Variants in KIF9 observed in about 807,000 individuals in gnomAD.
The protein encoded by KIF9 is kinesin family member 9.
In KIF9, 68 loss-of-function variants were observed where a neutral mutation model predicts 94.8. The observed-to-expected ratio is 0.72, with a 90% confidence interval of 0.59 to 0.88. The LOEUF is 0.88. Ranked by LOEUF, KIF9 falls within the 40% of genes least tolerant of loss-of-function variation. The pLI is 0.00. For synonymous variants in KIF9, 343 were observed against 362.1 expected, an observed-to-expected ratio of 0.95 and a Z score of 0.60; for missense variants, 882 against 982.5, an observed-to-expected ratio of 0.90 and a Z score of 1.37.
At chr3:47,261,246 C>T (rs1264853724) in intron 9 of KIF9, among the ~76,000 whole-genome samples, 2 of 152,174 alleles carry the variant, frequency 1.3e-5, no homozygotes, top group Non-Finnish European at 2.9e-5. Context: ...AATGAGACCA[C>T]TAGGAAAGAT....
intron 20 of KIF9, 49 bp from the exon 21 acceptor site, chr3:47,228,751 A>G (rs1265731460): frequency 1.3e-6 from 2 of 1,497,830 alleles, no homozygotes; most frequent in Non-Finnish European, 1.9e-6. Flanking sequence ...AGGGACAGAC[A>G]TAGCAGGGAC....
chr3:47,235,955 G>T, intron 19 of KIF9, 79 bp downstream of exon 19: 1 of 1,089,960 alleles, frequency 9.2e-7, no homozygotes, highest in Non-Finnish European at 1.4e-6. Context: ...CCATCTTTGT[G>T]TTGAGAACAG....
chr3:47,261,467 G>A (rs1255895724), intron 9 of KIF9, among the ~76,000 whole-genome samples: 1 of 152,126 alleles, frequency 6.6e-6, no homozygotes, highest in East Asian at 1.9e-4. Flanking sequence ...GCTCCTCCTT[G>A]GCAGTGACGA....
chr3:47,277,518 T>C, intron 1 of KIF9, 139 bp from the exon 2 acceptor site: 1 of 619,946 alleles, frequency 1.6e-6, no homozygotes, highest in Non-Finnish European at 2.9e-6. Context: ...CAGTTTTCCT[T>C]TTCACCCCTC....
In KIF9 at chr3:47,245,434, G is replaced by A. The variant is rs1486421310; in HGVS notation, c.1367C>T (p.Ser456Phe). The A allele has an allele frequency of 6.2e-7, 1 of 1,613,774 alleles. No homozygotes were observed. ...LIDRNDFAAI[S>F]AIQKAGLVDV... The stretch of plus-strand genomic sequence containing the variant: ...AACTATGCTTACCTTCTGGATAGCA[G>A]AAATGGCTGCAAAGTCATTCCTGTC... Residue 456 changes from serine to phenylalanine, a missense_variant, in exon 14 of 21, where the codon TCT becomes TTT. Ser to Phe is a radical substitution (Grantham distance 155, BLOSUM62 -2). Transcript: ENST00000684063.
chr3:47,241,704 T>TAC (rs571611477), intron 16 of KIF9, among the ~76,000 whole-genome samples: 11 of 149,102 alleles, frequency 7.4e-5, no homozygotes, highest in Admixed American at 2.0e-4. Context: ...CATATATGCA[T>TAC]ACACACACAC....
At chr3:47,264,149 C>G (rs149770128) in intron 9 of KIF9, 137 bp downstream of exon 9, 14 of 701,298 alleles carry the variant, frequency 2.0e-5, no homozygotes, top group African/African-American at 5.2e-5. Flanking sequence ...AACTGTGGCT[C>G]AGACTCACCC....
In KIF9 at chr3:47,256,548, G is replaced by A. The variant is rs867158139; in HGVS notation, c.1059+935C>T. On this transcript the variant is annotated intron_variant, in intron 10 of 20. Coordinates refer to ENST00000684063, the MANE Select transcript of KIF9 (RefSeq NM_182902.4). ...GGGTCGGCCCCCCGCCCGGCCGGCC[G>A]CCCTGTCCGGGAGGGGAGGGGCGCC... Among the ~76,000 whole-genome samples the A allele has an allele frequency of 3.4e-4, 51 of 148,758 alleles. 1 individual carries two copies. The highest frequency in any genetic ancestry group is 4.0e-3 in the Middle Eastern group (1 of 250).
intron 9 of KIF9, among the ~76,000 whole-genome samples, chr3:47,262,275 T>G (rs1235698373): frequency 1.0e-4 from 13 of 127,338 alleles, no homozygotes; most frequent in Admixed American, 7.4e-5. Context: ...GGTTTTTTTG[T>G]TTTTTTTTTT....
Position 47,277,283 on chromosome 3 carries a change from C to T in KIF9, c.92G>A (p.Arg31Lys). The change falls in exon 2 of 21, where the codon AGA becomes AAA. Residue 31 changes from arginine to lysine, a missense_variant and splice_region_variant. Coordinates refer to ENST00000684063, the MANE Select transcript of KIF9 (RefSeq NM_182902.4). ...TGAAGGCAAACACATCGCACTTACT[C>T]TTTTGTCATCTCCGTATCTGATCAT... ...HEMIRYGDDK[R>K]SIDIHLKKDI... The T allele has an allele frequency of 6.2e-7, 1 of 1,612,454 alleles. No homozygotes were observed. Among genetic ancestry groups the T allele is most frequent in the Non-Finnish European group, 8.5e-7 (1 of 1,178,676 alleles).
At chr3:47,282,331 G>A in intron 1 of KIF9, 164 bp downstream of exon 1, 1 of 986,110 alleles carries the variant, frequency 1.0e-6, no homozygotes, top group Non-Finnish European at 1.2e-6. Flanking sequence ...AGGTTGAAAG[G>A]ACTCCCGCGA....
chr3:47,258,838 G>T (rs992945135), intron 9 of KIF9, among the ~76,000 whole-genome samples: 1 of 152,190 alleles, frequency 6.6e-6, no homozygotes, highest in Admixed American at 6.5e-5. Context: ...TCTCAGGTGT[G>T]AGAATGGACT....
intron 10 of KIF9, among the ~76,000 whole-genome samples, chr3:47,250,069 T>C (rs1213608590): frequency 1.3e-5 from 2 of 150,550 alleles, no homozygotes; most frequent in African/African-American, 4.9e-5. Context: ...AAAATTGTAA[T>C]ACCTTCTCCA....
chr3:47,252,542 A>G (rs772486337), intron 10 of KIF9, among the ~76,000 whole-genome samples: 6 of 152,062 alleles, frequency 3.9e-5, no homozygotes, highest in Non-Finnish European at 7.4e-5. Context: ...GGCTGCAGTG[A>G]GCCATGACAG....
At chr3:47,231,112 C>T (rs1414912235) in intron 20 of KIF9, among the ~76,000 whole-genome samples, 1 of 151,810 alleles carries the variant, frequency 6.6e-6, no homozygotes, top group Non-Finnish European at 1.5e-5. Flanking sequence ...TTAAGAGATA[C>T]AGAGGACAGA....
intron 20 of KIF9, among the ~76,000 whole-genome samples, chr3:47,233,795 A>G (rs977868747): frequency 3.3e-5 from 5 of 151,852 alleles, no homozygotes; most frequent in African/African-American, 1.2e-4. Flanking sequence ...CAAGGTGCAG[A>G]AAACTGAGGG....
intron 1 of KIF9, among the ~76,000 whole-genome samples, chr3:47,278,720 C>T (rs1576099397): frequency 6.6e-6 from 1 of 151,752 alleles, no homozygotes; most frequent in South Asian, 2.1e-4. Flanking sequence ...GCCTGTAATC[C>T]CAGCACTTTG....
chr3:47,229,380 C>T (rs1461283178), intron 20 of KIF9, among the ~76,000 whole-genome samples: 7 of 152,156 alleles, frequency 4.6e-5, no homozygotes. Context: ...GTGTTCAGGT[C>T]TCCTTGAGCT....
intron 17 of KIF9, among the ~76,000 whole-genome samples, chr3:47,238,953 G>T (rs763307163): frequency 1.3e-5 from 2 of 152,182 alleles, no homozygotes; most frequent in Non-Finnish European, 2.9e-5. Flanking sequence ...GTGAGCCACC[G>T]CGCCCAGCCG....
Sources: allele counts gnomAD v4.1 joint callset (sites outside exome capture counted in the v4.1 genomes callset), GRCh38; gene constraint gnomAD v4.1.1; transcripts MANE v1.5; gene names NCBI Gene and HGNC (gene_info 2026-07-23, HGNC 2026-07-21).